Variants in MTUS2 observed in about 807,000 individuals in gnomAD.
MTUS2 encodes microtubule-associated tumor suppressor candidate 2.
A neutral mutation model predicts 114.1 loss-of-function variants in MTUS2; 40 were observed. That is an observed-to-expected ratio of 0.35 (90% CI 0.27 to 0.46). The LOEUF (loss-of-function observed/expected upper bound fraction) is 0.46. Among genes scored for constraint, MTUS2 ranks in the 20% least tolerant of loss-of-function variants. The pLI, the probability that MTUS2 is intolerant of heterozygous loss-of-function variation, is 1.00. For missense variants in MTUS2, 1,679 were observed against 1,705.4 expected (o/e 0.98, Z 0.27); for synonymous variants, 688 against 672.0 (o/e 1.02, Z -0.37).
At chr13:29,005,540 G>A (rs3858735) in intron 2 of MTUS2, among the ~76,000 whole-genome samples, 83,550 of 151,902 alleles carry the variant, frequency 0.55, 23,417 homozygotes, top group East Asian at 0.73. Flanking sequence ...GAGAGGAGTC[G>A]GGAGGAAGCA....
At chr13:29,147,937 A>C (rs1892503762) in intron 5 of MTUS2, among the ~76,000 whole-genome samples, 1 of 152,064 alleles carries the variant, frequency 6.6e-6, no homozygotes, top group Admixed American at 6.6e-5. Flanking sequence ...TGAATGATTT[A>C]TTTTCCTTTG....
chr13:28,965,677 G>A (rs74570426), intron 2 of MTUS2, among the ~76,000 whole-genome samples: 1 of 152,116 alleles, frequency 6.6e-6, no homozygotes, highest in Non-Finnish European at 1.5e-5. Context: ...TCAACTGTAG[G>A]AACTAGCAAG....
At chr13:29,237,018 T>A (rs972407085) in intron 5 of MTUS2, among the ~76,000 whole-genome samples, 1 of 152,208 alleles carries the variant, frequency 6.6e-6, no homozygotes, top group African/African-American at 2.4e-5. Context: ...CCATTAAATA[T>A]TTGTTATTTT....
intron 2 of MTUS2, among the ~76,000 whole-genome samples, chr13:28,842,567 C>G (rs1875581469): frequency 6.6e-6 from 1 of 152,204 alleles, no homozygotes; most frequent in Non-Finnish European, 1.5e-5. Context: ...GGTATTCTCA[C>G]TGTCCTGAAA....
intron 5 of MTUS2, among the ~76,000 whole-genome samples, chr13:29,237,593 A>G (rs1374507861): frequency 6.6e-6 from 1 of 152,166 alleles, no homozygotes; most frequent in East Asian, 1.9e-4. Flanking sequence ...ACTCCAGACA[A>G]TAAGGGTATG....
chr13:28,874,783 T>G (rs1429507001), intron 2 of MTUS2, among the ~76,000 whole-genome samples: 1 of 152,112 alleles, frequency 6.6e-6, no homozygotes, highest in Non-Finnish European at 1.5e-5. Context: ...ATACCAGGAG[T>G]CATGGATCAT....
chr13:29,189,385 G>A (rs962360731), intron 5 of MTUS2, among the ~76,000 whole-genome samples: 7 of 152,100 alleles, frequency 4.6e-5, no homozygotes, highest in African/African-American at 1.7e-4. Flanking sequence ...ACATCATGGA[G>A]TGATATGCTC....
intron 9 of MTUS2, among the ~76,000 whole-genome samples, chr13:29,441,851 C>G (rs763056156): frequency 6.6e-6 from 1 of 152,154 alleles, no homozygotes; most frequent in Non-Finnish European, 1.5e-5. Flanking sequence ...AAAGGACCTT[C>G]TGCCTCCTTC....
At chr13:29,487,828 T>C in intron 10 of MTUS2, 72 bp from the exon 11 acceptor site, 1 of 1,207,408 alleles carries the variant, frequency 8.3e-7, no homozygotes, top group East Asian at 2.3e-5. Context: ...ACGGACCTTT[T>C]CCACTCACGG....
intron 2 of MTUS2, among the ~76,000 whole-genome samples, chr13:28,848,976 C>G (rs575859872): frequency 8.1e-4 from 123 of 152,318 alleles, no homozygotes; most frequent in African/African-American, 2.9e-3. Flanking sequence ...AAACCCCAGT[C>G]TGGATGAATA....
chr13:28,992,872 G>A (rs1325874452), intron 2 of MTUS2, among the ~76,000 whole-genome samples: 2 of 151,980 alleles, frequency 1.3e-5, no homozygotes, highest in Admixed American at 6.6e-5. Flanking sequence ...AACCGTCCCC[G>A]TTAAAAAACT....
At chr13:29,245,943 C>T (rs979609175) in intron 5 of MTUS2, among the ~76,000 whole-genome samples, 4 of 152,106 alleles carry the variant, frequency 2.6e-5, no homozygotes, top group Admixed American at 6.5e-5. Flanking sequence ...GTGATCTGCC[C>T]GCCTAGGCCT....
chr13:29,334,319 G>A (rs1900942301), intron 7 of MTUS2, among the ~76,000 whole-genome samples: 1 of 152,088 alleles, frequency 6.6e-6, no homozygotes, highest in Non-Finnish European at 1.5e-5. Context: ...TTTACAATTT[G>A]GTATGTTTTT....
intron 2 of MTUS2, among the ~76,000 whole-genome samples, chr13:28,864,137 G>C (rs1469521413): frequency 6.6e-6 from 1 of 152,050 alleles, no homozygotes; most frequent in Non-Finnish European, 1.5e-5. Context: ...TTGCCTACTT[G>C]AAAATCTATG....
chr13:29,309,098 A>G (rs887367781), intron 6 of MTUS2, among the ~76,000 whole-genome samples: 3 of 152,222 alleles, frequency 2.0e-5, no homozygotes, highest in African/African-American at 7.2e-5. Flanking sequence ...AGGAATATAA[A>G]TCATTCTATT....
Position 29,496,439 on chromosome 13 carries a change from A to G in MTUS2, c.3580-799A>G. 6.5e-6 allele frequency: 1 copy of G among 154,042 alleles called. No homozygotes were observed. The highest frequency in any genetic ancestry group is 1.4e-5 in the Non-Finnish European group (1 of 69,332). 9.5% of individuals were successfully genotyped at this position (154,042 alleles called of 1,614,324 possible). On this transcript the variant is annotated intron_variant, in intron 12 of 15. Transcript: ENST00000612955. The surrounding 1 kb of genome is among the most constrained non-coding windows in gnomAD (Gnocchi z 4.3). ...CCAGAGTGAAGCGGGAGTGAGAGGG[A>G]GCTGGCTGGAGGTAGGCACTGCCAG...
intron 8 of MTUS2, among the ~76,000 whole-genome samples, chr13:29,409,174 G>A (rs1040221128): frequency 2.6e-5 from 4 of 152,064 alleles, no homozygotes; most frequent in African/African-American, 9.7e-5. Context: ...ACAAAAATTA[G>A]CCAGGTGTGG....
chr13:28,966,741 A>AC (rs1346365173), intron 2 of MTUS2, among the ~76,000 whole-genome samples: 82 of 151,620 alleles, frequency 5.4e-4, no homozygotes, highest in African/African-American at 1.8e-3. Flanking sequence ...AAAAAAAAAA[A>AC]AAAAAAACAA....
intron 2 of MTUS2, among the ~76,000 whole-genome samples, chr13:28,944,391 G>C (rs1882408672): frequency 6.6e-6 from 1 of 152,042 alleles, no homozygotes; most frequent in South Asian, 2.1e-4. Context: ...ATATATTTAA[G>C]TATAAAATGG....
Sources: gnomAD v4.1 joint callset for allele counts (sites outside exome capture counted in the v4.1 genomes callset) on GRCh38, gnomAD v4.1.1 for gene constraint, Gnocchi (gnomAD v3.1) non-coding constraint, MANE v1.5 for transcripts, NCBI Gene and HGNC (gene_info 2026-07-23, HGNC 2026-07-21) for gene names.